OSMR: variants seen among roughly 807,000 people sequenced by gnomAD.
OSMR encodes the protein oncostatin M receptor.
Under a neutral mutation model 99.9 loss-of-function variants are expected in OSMR, and 81 were observed. That is an observed-to-expected ratio of 0.81 (90% CI 0.68 to 0.97). The LOEUF is 0.97. OSMR is among the 50% of genes least tolerant of loss of function. OSMR has a pLI of 0.00. For missense variants in OSMR, 1,099 were observed against 1,153.4 expected, an observed-to-expected ratio of 0.95 and a Z score of 0.68; for synonymous variants, 406 against 410.4, an observed-to-expected ratio of 0.99 and a Z score of 0.13.
chr5:38,937,672 TTCTA>T (rs1456257669), downstream of OSMR, among the ~76,000 whole-genome samples: 17 of 152,224 alleles, frequency 1.1e-4, no homozygotes, highest in Non-Finnish European at 2.1e-4. This position sits in a 1 kb window ranked among gnomAD's most constrained non-coding sequence, Gnocchi z 4.0. Flanking sequence ...TTCAGAGCTA[TTCTA>T]TCTAAAGACT....
rs781368610 is a variant in OSMR, at chr5:38,903,893, A to G, written c.1003A>G (p.Asn335Asp). Residue 335 changes from asparagine to aspartate, a missense_variant, in exon 8 of 18, where the codon AAT becomes GAT. By Grantham distance (23) the Asn-to-Asp change is conservative. Coordinates refer to ENST00000274276, the MANE Select transcript of OSMR (RefSeq NM_003999.3). ...CTTTTTTTTGACAGTTTATTTAATGAATCCTTTTAGTGTCAACTTTGAAAA... is the reference window on the plus strand; with the variant it reads ...CTTTTTTTTGACAGTTTATTTAATGGATCCTTTTAGTGTCAACTTTGAAAA... ...FNLTHRVYLMNPFSVNFENVN... is the reference protein window; with the variant it reads ...FNLTHRVYLMDPFSVNFENVN... The G allele has an allele frequency of 1.9e-6, 3 of 1,612,502 alleles. No homozygotes were observed. The South Asian group carries it at 3.3e-5, about 18-fold the overall frequency.
chr5:38,917,479 A>G, intron 9 of OSMR, 67 bp from the exon 10 acceptor site: 2 of 1,592,874 alleles, frequency 1.3e-6, no homozygotes, highest in Non-Finnish European at 1.7e-6. Context: ...ACCGTCCTAG[A>G]AAAAGGTTGA....
intron 7 of OSMR, among the ~76,000 whole-genome samples, chr5:38,894,921 C>A (rs1744401884): frequency 6.6e-6 from 1 of 151,540 alleles, no homozygotes; most frequent in South Asian, 2.1e-4. Context: ...CTCATCTGCA[C>A]ACAAAATATA....
chr5:38,941,694 A>C (rs1747589830), intron 1 of OSMR: 1 of 232,300 alleles, frequency 4.3e-6, no homozygotes, highest in Non-Finnish European at 8.5e-6. Context: ...GTAACATAAA[A>C]ATAACTTATA....
At chr5:38,866,775 G>A (rs201438297) in intron 1 of OSMR, among the ~76,000 whole-genome samples, 1 of 152,142 alleles carries the variant, frequency 6.6e-6, no homozygotes, top group Non-Finnish European at 1.5e-5. Flanking sequence ...CATCACACAG[G>A]CTCCAGAGAG....
intron 2 of OSMR, chr5:38,944,622 T>A: frequency 7.0e-7 from 1 of 1,429,284 alleles, no homozygotes; most frequent in African/African-American, 1.4e-5. Flanking sequence ...AATAAAATGA[T>A]TAAAACTCAT....
intron 7 of OSMR, among the ~76,000 whole-genome samples, chr5:38,894,996 A>T (rs1020943064): frequency 6.6e-6 from 1 of 152,076 alleles, no homozygotes; most frequent in Non-Finnish European, 1.5e-5. Context: ...AAAAATAAAA[A>T]CTTTTAGGTA....
In OSMR at chr5:38,869,058, C is replaced by A; in HGVS notation, c.14C>A (p.Ala5Glu). The change falls in exon 2 of 18, where the codon GCA becomes GAA. Residue 5 changes from alanine (A) to glutamate (E), a missense_variant. Ala to Glu is a moderately radical substitution (Grantham distance 107). Coordinates refer to ENST00000274276, the MANE Select transcript of OSMR (RefSeq NM_003999.3). ...AAACCAGAACTGATGGCTCTATTTG[C>A]AGTCTTTCAGACAACATTCTTCTTA... MALF[A>E]VFQTTFFLTL... is the part of the protein sequence containing the mutation. 5.6e-6 allele frequency: 9 copies of A among 1,613,642 alleles called. No individual in the cohort carries two copies. The highest frequency in any genetic ancestry group is 7.6e-6 in the Non-Finnish European group (9 of 1,179,582).
chr5:38,882,628 G>T (rs928283458), intron 4 of OSMR, among the ~76,000 whole-genome samples: 2 of 151,710 alleles, frequency 1.3e-5, no homozygotes, highest in African/African-American at 2.4e-5. Flanking sequence ...TAGCTCCCCC[G>T]AATCTAGACG....
chr5:38,895,233 T>C (rs1216130848), intron 7 of OSMR, among the ~76,000 whole-genome samples: 2 of 151,452 alleles, frequency 1.3e-5, no homozygotes, highest in East Asian at 1.9e-4. Context: ...GAAAAGAAAA[T>C]AAATAACTAA....
intron 10 of OSMR, 36 bp downstream of exon 10, chr5:38,917,658 C>T (rs373360812): frequency 1.5e-5 from 23 of 1,540,222 alleles, no homozygotes; most frequent in South Asian, 1.2e-4. Flanking sequence ...TGATTGTTTC[C>T]AAAAGTCACA....
intron 1 of OSMR, chr5:38,942,451 A>AT (rs1747674373): frequency 1.1e-5 from 9 of 788,478 alleles, no homozygotes; most frequent in South Asian, 2.7e-5. Context: ...ATAAATATCT[A>AT]ATTTTTTTTT....
chr5:38,927,406 T>C (rs1167021000), intron 15 of OSMR, among the ~76,000 whole-genome samples: 1 of 152,244 alleles, frequency 6.6e-6, no homozygotes, highest in Non-Finnish European at 1.5e-5. Flanking sequence ...CCATATGTCC[T>C]CTGAAATCTA....
intron 7 of OSMR, among the ~76,000 whole-genome samples, chr5:38,887,962 G>T (rs571996800): frequency 6.5e-4 from 99 of 152,170 alleles, no homozygotes; most frequent in Non-Finnish European, 1.3e-3. Context: ...TTCGTTTCGC[G>T]CCGGTTTGGA....
intron 9 of OSMR, among the ~76,000 whole-genome samples, chr5:38,916,672 G>A (rs2112621175): frequency 6.6e-6 from 1 of 152,222 alleles, no homozygotes; most frequent in Admixed American, 6.5e-5. Flanking sequence ...TAAGTTGATT[G>A]AGCAAATGCA....
At chr5:38,879,307 C>T (rs887061667) in intron 3 of OSMR, among the ~76,000 whole-genome samples, 3 of 152,262 alleles carry the variant, frequency 2.0e-5, no homozygotes, top group African/African-American at 4.8e-5. Flanking sequence ...CCTAGATGCA[C>T]AGGACCATGG....
intron 1 of OSMR, among the ~76,000 whole-genome samples, chr5:38,853,700 C>T (rs1364208954): frequency 6.6e-6 from 1 of 152,170 alleles, no homozygotes; most frequent in Non-Finnish European, 1.5e-5. Flanking sequence ...AGAGACTCAG[C>T]TTTAATCCTA....
chr5:38,861,695 C>A (rs1198471535), intron 1 of OSMR, among the ~76,000 whole-genome samples: 6 of 151,518 alleles, frequency 4.0e-5, no homozygotes, highest in Admixed American at 3.9e-4. Flanking sequence ...GTAGGGGCGG[C>A]CGGGAGAGGC....
At chr5:38,941,989 G>A (rs913284047) in intron 1 of OSMR, 5 of 261,070 alleles carry the variant, frequency 1.9e-5, no homozygotes, top group Non-Finnish European at 3.6e-5. Flanking sequence ...CTGTCATTAT[G>A]CTTTTAAAAT....
Sources: allele counts gnomAD v4.1 joint callset (sites outside exome capture counted in the v4.1 genomes callset), GRCh38; gene constraint gnomAD v4.1.1; non-coding constraint Gnocchi (gnomAD v3.1); transcripts MANE v1.5; gene names NCBI Gene and HGNC (gene_info 2026-07-23, HGNC 2026-07-21).